The following PHF24 variants were observed in gnomAD, a reference collection of about 807,000 sequenced individuals.
The protein encoded by PHF24 is PHD finger protein 24.
PHF24 carries 25 observed loss-of-function variants against 42.6 expected under a neutral mutation model. The observed-to-expected ratio is 0.59, with a 90% CI of 0.43 to 0.82. The LOEUF is 0.82. Ranked by LOEUF, PHF24 falls within the 40% of genes least tolerant of loss-of-function variation. The probability of loss-of-function intolerance (pLI) is 0.00; values close to 1 mark genes in which losing one functional copy is unlikely to be tolerated. For synonymous variants in PHF24, 185 were observed against 204.8 expected (o/e 0.90, Z 0.83); for missense variants, 470 against 538.1 (o/e 0.87, Z 1.25).
the PHF24 span, among the ~76,000 whole-genome samples, chr9:34,796,136 T>G: frequency 6.6e-6 from 1 of 152,138 alleles, no homozygotes; most frequent in East Asian, 1.9e-4. Context: ...TTCCATCAAC[T>G]AGTGTTGATC....
chr9:34,691,955 C>A, the PHF24 span, among the ~76,000 whole-genome samples: 1 of 152,194 alleles, frequency 6.6e-6, no homozygotes, highest in African/African-American at 2.4e-5. Context: ...TAGCCCCCTT[C>A]ATTTTCCCCC....
At chr9:34,709,479 C>T in the PHF24 span, 10 of 1,613,878 alleles carry the variant, frequency 6.2e-6, no homozygotes, top group Non-Finnish European at 2.5e-6. Context: ...CCCCTTTACC[C>T]ACATCCCTCA....
chr9:34,746,426 A>G, the PHF24 span, among the ~76,000 whole-genome samples: 4 of 152,212 alleles, frequency 2.6e-5, no homozygotes, highest in African/African-American at 9.6e-5. Flanking sequence ...AAGATTACCA[A>G]ACTAAATCCA....
chr9:34,916,741 GGTTT>G, the PHF24 span, among the ~76,000 whole-genome samples: 2 of 152,120 alleles, frequency 1.3e-5, no homozygotes, highest in African/African-American at 2.4e-5. Flanking sequence ...ATAAGTGTGT[GGTTT>G]GTTTGTGTGG....
the PHF24 span, chr9:34,723,904 G>T: frequency 6.4e-7 from 1 of 1,551,668 alleles, no homozygotes. Flanking sequence ...GATGCTGGGG[G>T]CTGTGTTGAC....
At chr9:34,710,024 C>T in the PHF24 span, 1 of 1,614,096 alleles carries the variant, frequency 6.2e-7, no homozygotes, top group Non-Finnish European at 8.5e-7. Context: ...ATGCCAAAGG[C>T]CAGAACCAGG....
the PHF24 span, among the ~76,000 whole-genome samples, chr9:34,915,469 CA>C: frequency 6.7e-6 from 1 of 149,702 alleles, no homozygotes; most frequent in Non-Finnish European, 1.5e-5. Flanking sequence ...ATATTTTGAA[CA>C]AGAAACATTA....
chr9:34,784,143 C>G, the PHF24 span, among the ~76,000 whole-genome samples: 1 of 152,186 alleles, frequency 6.6e-6, no homozygotes, highest in Non-Finnish European at 1.5e-5. Flanking sequence ...AAGATATTCT[C>G]TAAGGAAGAG....
chr9:34,971,553 G>A, exon 2 of PHF24: 2 of 1,614,184 alleles, frequency 1.2e-6, no homozygotes, highest in Non-Finnish European at 1.7e-6. Context: ...TCCGAGATGG[G>A]CGCGGCGTGG....
the PHF24 span, among the ~76,000 whole-genome samples, chr9:34,852,823 C>T: frequency 6.6e-6 from 1 of 152,292 alleles, no homozygotes; most frequent in South Asian, 2.1e-4. Flanking sequence ...GTTGGAGTCT[C>T]ACTGTGTTGC....
the PHF24 span, among the ~76,000 whole-genome samples, chr9:34,893,784 C>T: frequency 2.2e-3 from 337 of 152,156 alleles, 6 homozygotes; most frequent in Non-Finnish European, 2.8e-3. Context: ...ACTAGGAGAA[C>T]GGAGCCAGGC....
At chr9:34,868,776 T>C in the PHF24 span, among the ~76,000 whole-genome samples, 1 of 152,224 alleles carries the variant, frequency 6.6e-6, no homozygotes, top group Admixed American at 6.5e-5. Flanking sequence ...CCTTCAACTT[T>C]AAGTTCTGGA....
At chr9:34,666,761 G>T in the PHF24 span, among the ~76,000 whole-genome samples, 1 of 151,924 alleles carries the variant, frequency 6.6e-6, no homozygotes, top group Non-Finnish European at 1.5e-5. Context: ...GCCTGGCCAA[G>T]ATGGTGAAAC....
the PHF24 span, among the ~76,000 whole-genome samples, chr9:34,943,730 C>T: frequency 6.7e-4 from 102 of 152,268 alleles, no homozygotes; most frequent in African/African-American, 2.4e-3. Context: ...GCTCTATTAC[C>T]ATCTCTACAA....
the PHF24 span, among the ~76,000 whole-genome samples, chr9:34,951,555 G>A: frequency 6.6e-6 from 1 of 152,174 alleles, no homozygotes; most frequent in Non-Finnish European, 1.5e-5. Context: ...AAATAATACA[G>A]GTGGCCTCTA....
At chr9:34,716,793 A>G in the PHF24 span, among the ~76,000 whole-genome samples, 1 of 151,948 alleles carries the variant, frequency 6.6e-6, no homozygotes, top group Admixed American at 6.6e-5. Flanking sequence ...TTTTTTGTAG[A>G]AAGGGGGTTT....
chr9:34,754,531 T>G, the PHF24 span, among the ~76,000 whole-genome samples: 1 of 152,068 alleles, frequency 6.6e-6, no homozygotes, highest in African/African-American at 2.4e-5. Context: ...GTTAAAATAG[T>G]TTTTATCCAA....
At chr9:34,972,708 G>A (rs1322631409) in intron 3 of PHF24, among the ~76,000 whole-genome samples, 177 bp downstream of exon 3, 2 of 152,306 alleles carry the variant, frequency 1.3e-5, no homozygotes, top group South Asian at 2.1e-4. Flanking sequence ...GAGGTCAAGA[G>A]ATTGAGACCA....
the PHF24 span, among the ~76,000 whole-genome samples, chr9:34,704,610 G>C: frequency 1.3e-5 from 2 of 152,166 alleles, no homozygotes; most frequent in East Asian, 3.8e-4. Context: ...AAGGTGGGAG[G>C]ATCCCTTGAG....
Sources: allele counts gnomAD v4.1 joint callset (sites outside exome capture counted in the v4.1 genomes callset), GRCh38; gene constraint gnomAD v4.1.1; transcripts MANE v1.5; gene names NCBI Gene and HGNC (gene_info 2026-07-23, HGNC 2026-07-21).